FAAH2: variants seen among roughly 807,000 people sequenced by gnomAD.
The protein encoded by FAAH2 is fatty acid amide hydrolase 2.
Under a neutral mutation model 36.9 loss-of-function variants are expected in FAAH2, and 60 were observed. That is an observed-to-expected ratio of 1.63 (90% CI 1.32 to 2.02). The LOEUF (loss-of-function observed/expected upper bound fraction) is 2.02. Ranked by LOEUF, FAAH2 falls within the 30% of genes most tolerant of loss-of-function variation. The pLI is 0.00. For synonymous variants in FAAH2, 214 were observed against 143.8 expected, an observed-to-expected ratio of 1.49 and a Z score of -3.49; for missense variants, 689 against 397.5, an observed-to-expected ratio of 1.73 and a Z score of -6.23.
chrX:57,422,873 A>G (rs1299817106), intron 7 of FAAH2, among the ~76,000 whole-genome samples: 2 of 112,675 alleles, frequency 1.8e-5, no homozygotes, highest in East Asian at 5.6e-4. Context: ...AAGAAGGAAC[A>G]TGAGAGCTGG....
At chrX:57,135,579 G>C in the FAAH2 span, 2 of 558,108 alleles carry the variant, frequency 3.6e-6, no homozygotes, top group South Asian at 3.4e-5. Flanking sequence ...ACAGCTGTTC[G>C]TTCCTTCCAT....
chrX:57,392,601 C>T, intron 7 of FAAH2: 1 of 803,588 alleles, frequency 1.2e-6, no homozygotes, highest in South Asian at 2.1e-5. Flanking sequence ...AGACACTGGC[C>T]AGATTTTCAA....
At chrX:57,161,782 AC>A in the FAAH2 span, among the ~76,000 whole-genome samples, 1 of 111,763 alleles carries the variant, frequency 8.9e-6, no homozygotes, top group Non-Finnish European at 1.9e-5. Flanking sequence ...TCTCCTGAAT[AC>A]AGCACACTGA....
At chrX:57,336,977 A>G (rs200389803) in intron 4 of FAAH2, among the ~76,000 whole-genome samples, 1 of 314 alleles carries the variant, frequency 3.2e-3, no homozygotes, top group African/African-American at 3.6e-3. Context: ...TGAAAAAAAA[A>G]ATAAATAAAT....
At chrX:57,377,080 A>G (rs1044767278) in intron 5 of FAAH2, among the ~76,000 whole-genome samples, 2 of 112,319 alleles carry the variant, frequency 1.8e-5, no homozygotes, top group African/African-American at 6.5e-5. Context: ...GATTGCAAAA[A>G]TGTTCTCCTA....
rs1330029142 is a variant in FAAH2, at chrX:57,446,800, G to A, written c.1117-128G>A. The stretch of plus-strand genomic sequence containing the variant: ...TATTTTATCAATAAATTTTATTTAT[G>A]TATTCATCAATTGACTGGTATTTTA... On this transcript the variant is annotated intron_variant, in intron 8 of 10. Transcript: ENST00000374900. 9.4e-6 allele frequency: 4 copies of A among 424,485 alleles called. No homozygotes were observed. The African/African-American group carries it at 1.0e-4, about 11-fold the overall frequency. 35.0% of individuals were successfully genotyped at this position (424,485 alleles called of 1,213,427 possible).
chrX:57,194,203 C>A, the FAAH2 span, among the ~76,000 whole-genome samples: 6 of 111,403 alleles, frequency 5.4e-5, no homozygotes, highest in Non-Finnish European at 9.4e-5. Flanking sequence ...GATCTCATTA[C>A]TTCTTATTTG....
At chrX:57,247,828 G>A in the FAAH2 span, among the ~76,000 whole-genome samples, 1 of 112,306 alleles carries the variant, frequency 8.9e-6, no homozygotes, top group African/African-American at 3.2e-5. Context: ...GTGGTCATAG[G>A]CGAGTGCTTC....
At chrX:57,437,769 T>C (rs1415415105) in intron 8 of FAAH2, among the ~76,000 whole-genome samples, 1 of 102,890 alleles carries the variant, frequency 9.7e-6, no homozygotes, top group Admixed American at 1.1e-4. Flanking sequence ...TATATTGAAA[T>C]ATAATTATAT....
the FAAH2 span, among the ~76,000 whole-genome samples, chrX:57,158,764 A>G: frequency 9.0e-6 from 1 of 111,711 alleles, no homozygotes; most frequent in Non-Finnish European, 1.9e-5. Context: ...AGATGAGTAG[A>G]TTGCAAAAAT....
At chrX:57,261,552 CA>C in the FAAH2 span, among the ~76,000 whole-genome samples, 762 of 23,318 alleles carry the variant, frequency 0.033, 1 homozygote, top group Middle Eastern at 0.067. Context: ...GACTCTGTCT[CA>C]AAAAAAAAAA....
At chrX:57,156,411 A>T in the FAAH2 span, among the ~76,000 whole-genome samples, 1 of 111,803 alleles carries the variant, frequency 8.9e-6, no homozygotes, top group East Asian at 2.8e-4. Context: ...TAGTGATATC[A>T]TGTCTCCTGG....
At chrX:57,259,674 C>CT in the FAAH2 span, among the ~76,000 whole-genome samples, 1 of 111,791 alleles carries the variant, frequency 8.9e-6, no homozygotes, top group Admixed American at 9.5e-5. Flanking sequence ...CAGAGTAAAT[C>CT]TTAAGTTATC....
the FAAH2 span, among the ~76,000 whole-genome samples, chrX:57,131,093 T>A: frequency 9.5e-6 from 1 of 105,692 alleles, no homozygotes; most frequent in Admixed American, 1.0e-4. Context: ...TTTTTTTTTT[T>A]TTTGAGACGG....
chrX:57,270,740 T>A, the FAAH2 span, among the ~76,000 whole-genome samples: 2 of 110,345 alleles, frequency 1.8e-5, no homozygotes, highest in Non-Finnish European at 3.8e-5. Flanking sequence ...GTCGGGGAAT[T>A]TTCTCCCCTA....
intron 7 of FAAH2, chrX:57,394,221 C>T: frequency 1.5e-6 from 1 of 682,890 alleles, no homozygotes; most frequent in Non-Finnish European, 2.4e-6. Context: ...GGCTGTCGCA[C>T]ACACATAAAA....
chrX:57,295,388 C>A lies in FAAH2; in HGVS notation c.275+2808C>A, dbSNP rs190201554. 4.8e-4 allele frequency among the ~76,000 whole-genome samples: 54 copies of A among 112,044 alleles called. No homozygotes were observed. The Admixed American group carries it at 4.9e-3, about 10-fold the overall frequency. On this transcript the variant is annotated intron_variant, in intron 2 of 10. Transcript: ENST00000374900. ...CTTTCCTCCTAGTCTTTCTCTGGCA[C>A]CCATATTTGAAGGATCCAAGAGGGC...
chrX:57,408,513 A>G (rs759340247), intron 7 of FAAH2, among the ~76,000 whole-genome samples: 9 of 106,345 alleles, frequency 8.5e-5, no homozygotes, highest in African/African-American at 3.0e-4. Context: ...ACAATTTTGC[A>G]TTTTCCTTTC....
the FAAH2 span, among the ~76,000 whole-genome samples, chrX:57,225,850 C>A: frequency 8.9e-6 from 1 of 111,777 alleles, no homozygotes; most frequent in East Asian, 2.8e-4. Context: ...TAAGATTATG[C>A]GGTTTTCCTG....
Sources: gnomAD v4.1 joint callset for allele counts (sites outside exome capture counted in the v4.1 genomes callset) on GRCh38, gnomAD v4.1.1 for gene constraint, MANE v1.5 for transcripts, NCBI Gene and HGNC (gene_info 2026-07-23, HGNC 2026-07-21) for gene names.